The following AGBL1 variants were observed in gnomAD, a reference collection of about 807,000 sequenced individuals.
AGBL1 encodes the protein AGBL carboxypeptidase 1, also known as cytosolic carboxypeptidase 4.
AGBL1 carries 130 observed loss-of-function variants against 118.9 expected under a neutral mutation model. The ratio of observed to expected loss-of-function variants is 1.09; its 90% CI spans 0.95 to 1.26. The LOEUF (loss-of-function observed/expected upper bound fraction) is 1.26, where lower values mean the gene tolerates loss of function less well. Ranked by LOEUF, AGBL1 falls within the 50% of genes most tolerant of loss-of-function variation. AGBL1 has a pLI of 0.00. For missense variants in AGBL1, 1,584 were observed against 1,298.1 expected (o/e 1.22, Z -3.38); for synonymous variants, 555 against 478.9 (o/e 1.16, Z -2.08).
At chr15:86,916,241 C>T (rs1024359607), downstream of AGBL1, 9 of 152,224 alleles carry the variant, frequency 5.9e-5, no homozygotes, top group Admixed American at 3.3e-4. Context: ...GTCCTGGGAA[C>T]TGAAGCGTGT....
chr15:86,461,114 T>C (rs1850592961), intron 18 of AGBL1, among the ~76,000 whole-genome samples: 2 of 152,146 alleles, frequency 1.3e-5, no homozygotes, highest in African/African-American at 4.8e-5. Context: ...CAAACCACCC[T>C]GGGTGATTCT....
chr15:86,583,005 G>C (rs1290201483), intron 21 of AGBL1, among the ~76,000 whole-genome samples: 1 of 151,214 alleles, frequency 6.6e-6, no homozygotes, highest in Non-Finnish European at 1.5e-5. Context: ...AAAACTTAAA[G>C]TATAATAACA....
intron 24 of AGBL1, among the ~76,000 whole-genome samples, chr15:87,003,915 G>C (rs1486078478): frequency 1.3e-5 from 2 of 150,938 alleles, no homozygotes; most frequent in African/African-American, 5.0e-5. Flanking sequence ...CAAAAAACCA[G>C]CTCCTGGATT....
At chr15:86,746,325 T>C (rs1055041185) in intron 22 of AGBL1, among the ~76,000 whole-genome samples, 7 of 152,144 alleles carry the variant, frequency 4.6e-5, no homozygotes, top group African/African-American at 1.4e-4. Flanking sequence ...ATATGTCTCT[T>C]GCCTCTGAGC....
At chr15:86,715,781 G>A (rs1342594482) in intron 22 of AGBL1, among the ~76,000 whole-genome samples, 3 of 152,078 alleles carry the variant, frequency 2.0e-5, no homozygotes, top group East Asian at 3.9e-4. Context: ...AAATCAGGCC[G>A]GGTGCGGTGG....
intron 21 of AGBL1, among the ~76,000 whole-genome samples, chr15:86,645,144 C>T (rs1255932488): frequency 2.0e-5 from 3 of 151,974 alleles, no homozygotes; most frequent in Non-Finnish European, 2.9e-5. Context: ...AATGTTAAAA[C>T]TTTTATTGTG....
At chr15:86,897,668 T>C (rs1374806309) in intron 22 of AGBL1, among the ~76,000 whole-genome samples, 1 of 151,794 alleles carries the variant, frequency 6.6e-6, no homozygotes, top group Non-Finnish European at 1.5e-5. Context: ...GTTTCCACCC[T>C]AATTCTTGTT....
intron 22 of AGBL1, among the ~76,000 whole-genome samples, chr15:86,854,657 C>T (rs185680478): frequency 2.0e-5 from 3 of 152,240 alleles, no homozygotes; most frequent in Non-Finnish European, 2.9e-5. Flanking sequence ...AAGGGTGTAT[C>T]TTCTTCAGCC....
chr15:86,081,055 T>G (rs886494938), intron 1 of AGBL1, among the ~76,000 whole-genome samples: 1 of 152,204 alleles, frequency 6.6e-6, no homozygotes, highest in African/African-American at 2.4e-5. Flanking sequence ...TTTGTTTTTA[T>G]TTTGTTGAGA....
intron 22 of AGBL1, among the ~76,000 whole-genome samples, chr15:86,776,682 T>C (rs1478956238): frequency 1.3e-5 from 2 of 151,760 alleles, no homozygotes; most frequent in African/African-American, 4.8e-5. Context: ...TGCTTTTATT[T>C]GAATGGATAG....
chr15:86,395,690 G>C (rs2081350909), intron 17 of AGBL1, among the ~76,000 whole-genome samples: 1 of 131,108 alleles, frequency 7.6e-6, no homozygotes, highest in Admixed American at 7.5e-5. Context: ...ACCGTAGTCA[G>C]TAAAAATGCA....
chr15:86,984,291 C>A (rs2081258619), intron 23 of AGBL1, among the ~76,000 whole-genome samples: 1 of 150,774 alleles, frequency 6.6e-6, no homozygotes, highest in Non-Finnish European at 1.5e-5. Flanking sequence ...ATTCGTAGAT[C>A]TTCTTGGAAA....
chr15:86,771,886 A>G (rs1472526917), intron 22 of AGBL1, among the ~76,000 whole-genome samples: 2 of 152,036 alleles, frequency 1.3e-5, no homozygotes, highest in African/African-American at 4.8e-5. Context: ...GGAAGTTGCC[A>G]GTAGGCAGGC....
intron 18 of AGBL1, among the ~76,000 whole-genome samples, chr15:86,507,980 T>C (rs1456854818): frequency 6.6e-6 from 1 of 151,672 alleles, no homozygotes; most frequent in Non-Finnish European, 1.5e-5. Context: ...TCCTTCTTTG[T>C]TTAGGAAGCC....
chr15:86,453,063 T>C (rs2082215437), intron 18 of AGBL1, among the ~76,000 whole-genome samples: 1 of 152,206 alleles, frequency 6.6e-6, no homozygotes, highest in African/African-American at 2.4e-5. Context: ...TGTTCAGTGG[T>C]GTGTTTATTG....
chr15:86,694,217 C>T (rs970929992), intron 22 of AGBL1, among the ~76,000 whole-genome samples: 1 of 151,974 alleles, frequency 6.6e-6, no homozygotes, highest in Non-Finnish European at 1.5e-5. Context: ...TTGATTTTAC[C>T]CCTCCAGGAG....
chr15:86,628,661 T>TG (rs2084922601), intron 21 of AGBL1, among the ~76,000 whole-genome samples: 1 of 151,454 alleles, frequency 6.6e-6, no homozygotes, highest in Non-Finnish European at 1.5e-5. Context: ...CCAGGCGTGG[T>TG]GGTGGGCGCC....
intron 22 of AGBL1, among the ~76,000 whole-genome samples, chr15:86,887,092 T>A (rs1380611587): frequency 6.6e-6 from 1 of 152,186 alleles, no homozygotes; most frequent in Non-Finnish European, 1.5e-5. Context: ...AAATTCCAAT[T>A]AGACTGTTTA....
intron 18 of AGBL1, among the ~76,000 whole-genome samples, chr15:86,463,947 T>C (rs1416099388): frequency 6.6e-6 from 1 of 152,162 alleles, no homozygotes; most frequent in Non-Finnish European, 1.5e-5. Flanking sequence ...CCATATGAAA[T>C]TTAAAGTAGT....
Sources: gnomAD v4.1 joint callset for allele counts (sites outside exome capture counted in the v4.1 genomes callset) on GRCh38, gnomAD v4.1.1 for gene constraint, MANE v1.5 for transcripts, NCBI Gene and HGNC (gene_info 2026-07-23, HGNC 2026-07-21) for gene names.